The following FRRS1 variants were observed in gnomAD, a reference collection of about 807,000 sequenced individuals.
FRRS1 encodes ferric chelate reductase 1.
In FRRS1, 51 loss-of-function variants were observed where a neutral mutation model predicts 70.7. The ratio of observed to expected loss-of-function variants is 0.72; its 90% CI spans 0.58 to 0.91. The LOEUF is 0.91. Ranked by LOEUF, FRRS1 falls within the 40% of genes least tolerant of loss-of-function variation. The pLI, the probability that FRRS1 is intolerant of heterozygous loss-of-function variation, is 0.00. For missense variants in FRRS1, 672 were observed against 726.0 expected (o/e 0.93, Z 0.86); for synonymous variants, 225 against 238.7 (o/e 0.94, Z 0.53).
In FRRS1 at chr1:99,708,625, A is replaced by AAAATATAT. The variant is rs1553169357; in HGVS notation, c.*402_*403insATATATTT. On this transcript the variant is annotated 3_prime_UTR_variant, in exon 17 of 17. Transcript: ENST00000646001. ...AAAAAAAAAAAAAAAAAAAAAAAAA[A>AAAATATAT]ATATATATATATATATATATATATA... The AAAATATAT allele has an allele frequency of 1.9e-5, 1 of 52,734 alleles. No individual in the cohort carries two copies. Among genetic ancestry groups the AAAATATAT allele is most frequent in the Non-Finnish European group, 3.1e-5 (1 of 32,522 alleles). 3.3% of individuals were successfully genotyped at this position (52,734 alleles called of 1,614,324 possible).
At chr1:99,728,400 C>T (rs12124950) in intron 9 of FRRS1, 93 bp downstream of exon 9, 66 of 1,047,970 alleles carry the variant, frequency 6.3e-5, no homozygotes, top group Middle Eastern at 2.5e-4. Flanking sequence ...GCCTTAAAAA[C>T]GGGCAATTAC....
Position 99,715,569 on chromosome 1 carries a change from A to G in FRRS1, c.1323+17T>C. The G allele has an allele frequency of 1.4e-6, 2 of 1,473,024 alleles. No individual in the cohort carries two copies. The highest frequency in any genetic ancestry group is 1.9e-6 in the Non-Finnish European group (2 of 1,056,082). 91.2% of individuals were successfully genotyped at this position (1,473,024 alleles called of 1,614,324 possible). On this transcript the variant is annotated intron_variant, in intron 12 of 16. Transcript: ENST00000646001. ...AAAATGGATTTATAAAAAAAACCCTATTTAAGATATACTTACCCTACTCCA... is the reference window on the plus strand; with the variant it reads ...AAAATGGATTTATAAAAAAAACCCTGTTTAAGATATACTTACCCTACTCCA...
Position 99,742,210 on chromosome 1 carries a change from G to A in FRRS1, c.397C>T (p.Pro133Ser), listed in dbSNP as rs1272819578. The A allele has an allele frequency of 6.2e-7, 1 of 1,610,856 alleles. No homozygotes were observed. The highest frequency in any genetic ancestry group is 8.5e-7 in the Non-Finnish European group (1 of 1,177,060). ...KTEIKVYWNA[P>S]SSAPNHTQFL... Reference sequence around the variant, plus strand: ...TGTGTGTGATTTGGAGCACTGCTTGGAGCATTCCAGTAGACTTTAATTTCT... The same window carrying A: ...TGTGTGTGATTTGGAGCACTGCTTGAAGCATTCCAGTAGACTTTAATTTCT... Residue 133 changes from proline (P) to serine (S), a missense_variant, in exon 5 of 17, where the codon CCA (proline) becomes TCA (serine). Physicochemically the swap from Pro to Ser is moderately conservative, Grantham distance 74 (BLOSUM62 -1). Transcript: ENST00000646001.
At chr1:99,751,748 A>G (rs954853967) in intron 1 of FRRS1, among the ~76,000 whole-genome samples, 2 of 152,206 alleles carry the variant, frequency 1.3e-5, no homozygotes, top group Non-Finnish European at 2.9e-5. Context: ...TTGCAAGAAA[A>G]GTGAAAAGAA....
intron 7 of FRRS1, among the ~76,000 whole-genome samples, chr1:99,736,461 G>C (rs779990097): frequency 1.5e-4 from 23 of 152,078 alleles, no homozygotes; most frequent in Non-Finnish European, 3.1e-4. Flanking sequence ...GAAATATGTA[G>C]GTCATATATA....
chr1:99,710,515 T>C (rs747650738), intron 15 of FRRS1, among the ~76,000 whole-genome samples: 2 of 152,150 alleles, frequency 1.3e-5, no homozygotes, highest in Non-Finnish European at 2.9e-5. Flanking sequence ...GCATTCAGAG[T>C]TCCCAGTCCA....
At chr1:99,731,336 T>C (rs1655371351) in intron 7 of FRRS1, among the ~76,000 whole-genome samples, 1 of 152,212 alleles carries the variant, frequency 6.6e-6, no homozygotes, top group Admixed American at 6.5e-5. Context: ...AATTCCAATA[T>C]TAGATTCTAA....
chr1:99,764,088 A>G (rs1657244978), intron 1 of FRRS1, among the ~76,000 whole-genome samples: 1 of 152,138 alleles, frequency 6.6e-6, no homozygotes, highest in Non-Finnish European at 1.5e-5. Flanking sequence ...TATTGAGTGC[A>G]TTCTAGGAGG....
intron 13 of FRRS1, 88 bp downstream of exon 13, chr1:99,712,330 G>T: frequency 9.3e-7 from 1 of 1,074,110 alleles, no homozygotes; most frequent in Non-Finnish European, 1.4e-6. Flanking sequence ...TTTATAAAAT[G>T]CAAAATTTTT....
intron 15 of FRRS1, 39 bp from the exon 16 acceptor site, chr1:99,709,298 T>TA: frequency 7.1e-7 from 1 of 1,402,700 alleles, no homozygotes; most frequent in Admixed American, 1.7e-5. Flanking sequence ...AGGGCAGCGT[T>TA]ATGCAGGTAA....
intron 7 of FRRS1, among the ~76,000 whole-genome samples, chr1:99,734,418 A>G (rs914750269): frequency 6.6e-6 from 1 of 152,232 alleles, no homozygotes; most frequent in Admixed American, 6.5e-5. Flanking sequence ...CAAGAAAAAA[A>G]TATGTATTTA....
chr1:99,752,661 C>T (rs113784450), intron 1 of FRRS1, among the ~76,000 whole-genome samples: 15 of 152,174 alleles, frequency 9.9e-5, no homozygotes, highest in African/African-American at 3.1e-4. Flanking sequence ...CTGTAATCCC[C>T]GCATTTTGGG....
At position 99,730,613 on chromosome 1, in the gene FRRS1, G is replaced by A. The variant is rs192309830; in HGVS notation, c.760-865C>T. ...CCGGGCGAGGTGGCTCACGCCTGTA[G>A]TCCCAGCACTTTGGGAGGCCAAGGC... On this transcript the variant is annotated intron_variant, in intron 7 of 16. Transcript: ENST00000646001. Among the ~76,000 whole-genome samples the A allele has an allele frequency of 4.0e-3, 607 of 152,104 alleles. 6 individuals carry two copies. Among genetic ancestry groups the A allele is most frequent in the East Asian group, 0.027 (140 of 5,158 alleles).
At chr1:99,763,594 C>G (rs568067776) in intron 1 of FRRS1, among the ~76,000 whole-genome samples, 19 of 152,166 alleles carry the variant, frequency 1.2e-4, no homozygotes, top group Admixed American at 3.9e-4. Flanking sequence ...ACAGTTCGGG[C>G]GCAGTGGCTG....
intron 9 of FRRS1, among the ~76,000 whole-genome samples, chr1:99,724,771 G>A (rs1219830494): frequency 6.6e-6 from 1 of 150,792 alleles, no homozygotes; most frequent in African/African-American, 2.4e-5. Context: ...TTTGTTTTGT[G>A]TGCTTTGCAC....
intron 1 of FRRS1, among the ~76,000 whole-genome samples, chr1:99,764,053 G>T (rs1657240299): frequency 6.6e-6 from 1 of 152,106 alleles, no homozygotes; most frequent in African/African-American, 2.4e-5. Flanking sequence ...AGAGTAAACA[G>T]ATAACAAATA....
chr1:99,726,768 G>GC (rs1172580358), intron 9 of FRRS1, among the ~76,000 whole-genome samples: 1 of 152,186 alleles, frequency 6.6e-6, no homozygotes. Flanking sequence ...ATGCAGTGGT[G>GC]CAATCATAGC....
At position 99,704,239 on chromosome 1, in the gene FRRS1, T is replaced by C. The variant is rs1265381600; in HGVS notation, c.*4789A>G. Among the ~76,000 whole-genome samples, 1 of 152,132 alleles carries C rather than the reference T, an allele frequency of 6.6e-6. No individual in the cohort carries two copies. Among genetic ancestry groups the C allele is most frequent in the Middle Eastern group, 3.2e-3 (1 of 316 alleles). On this transcript the variant is annotated 3_prime_UTR_variant, in exon 17 of 17. Coordinates refer to ENST00000646001, the MANE Select transcript of FRRS1 (RefSeq NM_001361041.2). Reference sequence around the variant, plus strand: ...GACTTACCCAAGGACATGCAGCTTGTAAACCAACAAGCAAACATGCACATT... The same window carrying C: ...GACTTACCCAAGGACATGCAGCTTGCAAACCAACAAGCAAACATGCACATT...
intron 1 of FRRS1, among the ~76,000 whole-genome samples, chr1:99,756,963 A>G (rs1656866661): frequency 6.6e-6 from 1 of 152,180 alleles, no homozygotes; most frequent in Non-Finnish European, 1.5e-5. Context: ...AGTCTTAATT[A>G]ATGCATAGGT....
Sources: gnomAD v4.1 joint callset for allele counts (sites outside exome capture counted in the v4.1 genomes callset) on GRCh38, gnomAD v4.1.1 for gene constraint, MANE v1.5 for transcripts, NCBI Gene and HGNC (gene_info 2026-07-23, HGNC 2026-07-21) for gene names.